The following SETD2 variants were observed in gnomAD, a reference collection of about 807,000 sequenced individuals.
SETD2 encodes the protein SET domain containing 2, histone lysine methyltransferase.
A neutral mutation model predicts 242.1 loss-of-function variants in SETD2; 31 were observed. The ratio of observed to expected loss-of-function variants is 0.13; its 90% CI spans 0.10 to 0.17. The LOEUF (loss-of-function observed/expected upper bound fraction) is 0.17, where lower values mean the gene tolerates loss of function less well. SETD2 is among the 10% of genes least tolerant of loss of function. The pLI is 1.00. For missense variants in SETD2, 2,481 were observed against 3,046.3 expected (o/e 0.81, Z 4.37); for synonymous variants, 1,006 against 1,066.5 (o/e 0.94, Z 1.11).
At chr3:47,092,557 T>C (rs987911418) in intron 9 of SETD2, among the ~76,000 whole-genome samples, 61 of 149,534 alleles carry the variant, frequency 4.1e-4, no homozygotes, top group African/African-American at 1.4e-3. Context: ...TTATAGATAG[T>C]ATATATTTAC....
chr3:47,057,363 T>C lies in SETD2; in HGVS notation c.6421A>G (p.Met2141Val). The change falls in exon 15 of 21, where the codon ATG becomes GTG. Residue 2141 changes from methionine to valine, a missense_variant. Around this residue, in one of 17 missense-constraint regions of SETD2, gnomAD observed 45 missense variants for 62.8 expected, o/e 0.72. Transcript: ENST00000409792. Reference sequence around the variant, plus strand: ...GGTGATGTCATTCCCAGGTTCTGCATCTGTTGCTGTTGTTTCTGAGCCTCC... The same window carrying C: ...GGTGATGTCATTCCCAGGTTCTGCACCTGTTGCTGTTGTTTCTGAGCCTCC... ...QREAQKQQQQ[M>V]QNLGMTSPLP... 3.1e-6 allele frequency: 5 copies of C among 1,614,224 alleles called. No homozygotes were observed. The South Asian group carries it at 5.5e-5, about 18-fold the overall frequency.
At chr3:47,049,271 ATTCTAT>A (rs1330578826) in intron 15 of SETD2, among the ~76,000 whole-genome samples, 4 of 135,066 alleles carry the variant, frequency 3.0e-5, no homozygotes, top group Non-Finnish European at 6.3e-5. Flanking sequence ...CCTTATTCTT[ATTCTAT>A]AAGTTTTTTA....
rs1361834704 is a variant in SETD2, at chr3:47,123,079, T to C, written c.1557A>G (p.Lys519=). 3.7e-6 allele frequency: 6 copies of C among 1,613,652 alleles called. No individual in the cohort carries two copies. In the Admixed American group the frequency reaches 6.7e-5, roughly 18 times the overall value. Residue 519 remains lysine, a synonymous_variant, in exon 3 of 21, where the codon AAA becomes AAG. Coordinates refer to ENST00000409792, the MANE Select transcript of SETD2 (RefSeq NM_014159.7). The part of the protein sequence containing the change: ...KYSSKLERES[K]RTSENEAIKR... ...TAATTGCTTCATTTTCTGAAGTCCTTTTAGATTCTCTTTCTAGTTTTGAAG... is the reference window on the plus strand; with the variant it reads ...TAATTGCTTCATTTTCTGAAGTCCTCTTAGATTCTCTTTCTAGTTTTGAAG...
At chr3:47,026,699 C>T (rs1335293970) in intron 18 of SETD2, among the ~76,000 whole-genome samples, 2 of 103,118 alleles carry the variant, frequency 1.9e-5, no homozygotes, top group Non-Finnish European at 4.4e-5. Flanking sequence ...CAAAATAACA[C>T]AAGAGAACAC....
At chr3:47,138,041 G>A (rs1468141645) in intron 1 of SETD2, among the ~76,000 whole-genome samples, 39 of 143,996 alleles carry the variant, frequency 2.7e-4, no homozygotes, top group Middle Eastern at 4.5e-3. Flanking sequence ...GCGCGATCTC[G>A]GCTCACTGCA....
intron 14 of SETD2, among the ~76,000 whole-genome samples, chr3:47,058,289 C>T (rs1239793075): frequency 1.3e-5 from 2 of 151,436 alleles, no homozygotes; most frequent in Non-Finnish European, 2.9e-5. Flanking sequence ...ACTACAAATA[C>T]AATTAGCTGG....
At chr3:47,154,965 G>A (rs2106836618) in intron 1 of SETD2, among the ~76,000 whole-genome samples, 1 of 151,892 alleles carries the variant, frequency 6.6e-6, no homozygotes, top group East Asian at 1.9e-4. Context: ...CCGCACTCCA[G>A]CCTGGGCGAC....
At chr3:47,134,828 C>T (rs972926275) in intron 1 of SETD2, among the ~76,000 whole-genome samples, 11 of 151,944 alleles carry the variant, frequency 7.2e-5, no homozygotes, top group Admixed American at 4.6e-4. Flanking sequence ...TTCACCATGT[C>T]GGCCAGGCTG....
chr3:47,158,018 A>T (rs2106846984), intron 1 of SETD2, among the ~76,000 whole-genome samples: 1 of 152,340 alleles, frequency 6.6e-6, no homozygotes, highest in African/African-American at 2.4e-5. Context: ...TTCACAAAGC[A>T]ATTAAGTAAA....
At chr3:47,064,650 G>A (rs1274362279) in intron 13 of SETD2, 2 of 407,250 alleles carry the variant, frequency 4.9e-6, no homozygotes, top group Non-Finnish European at 1.0e-5. Context: ...TAAAAATGAG[G>A]GTAAAGTTAG....
Position 47,126,511 on chromosome 3 carries a change from A to G in SETD2, c.87+137T>C, listed in dbSNP as rs1387900624. The G allele has an allele frequency of 1.6e-5, 8 of 496,436 alleles. No individual in the cohort carries two copies. In the East Asian group the frequency reaches 2.4e-4, roughly 15 times the overall value. 30.8% of individuals were successfully genotyped at this position (496,436 alleles called of 1,614,324 possible). On this transcript the variant is annotated intron_variant, in intron 2 of 20. Coordinates refer to ENST00000409792, the MANE Select transcript of SETD2 (RefSeq NM_014159.7). ...GATAAGTTACCATGGCTCTAAAAAC[A>G]AAATTAAAAACTATTACTTCATTTC...
At chr3:47,067,635 G>A (rs949255683) in intron 12 of SETD2, among the ~76,000 whole-genome samples, 1 of 151,716 alleles carries the variant, frequency 6.6e-6, no homozygotes, top group Non-Finnish European at 1.5e-5. Flanking sequence ...GGCTGGTCTC[G>A]AACTCCTGGG....
At chr3:47,074,012 G>A (rs2040943831) in intron 12 of SETD2, among the ~76,000 whole-genome samples, 1 of 152,214 alleles carries the variant, frequency 6.6e-6, no homozygotes, top group South Asian at 2.1e-4. Flanking sequence ...ATTCCTACGT[G>A]TGAATGTGTG....
Position 47,017,396 on chromosome 3 carries a change from G to C in SETD2, c.7534-142C>G. On this transcript the variant is annotated intron_variant, in intron 20 of 20. Transcript: ENST00000409792. This position sits in a 1 kb window ranked among gnomAD's most constrained non-coding sequence, Gnocchi z 4.8. ...GAAGTTAATAAGGGGGTAGATGTTG[G>C]GGCAGGCTGGTGCTATGATCACCAG... 1 of 897,510 alleles carries C rather than the reference G, an allele frequency of 1.1e-6. No homozygotes were observed. The highest frequency in any genetic ancestry group is 1.7e-6 in the Non-Finnish European group (1 of 596,680). 55.6% of individuals were successfully genotyped at this position (897,510 alleles called of 1,614,324 possible). A position where few individuals can be genotyped will look rare whatever the true frequency, so the allele number is the denominator to read the frequency against.
In SETD2 at chr3:47,123,064, A is replaced by G; in HGVS notation, c.1572T>C (p.Asn524=). Residue 524 remains asparagine (N), a synonymous_variant, in exon 3 of 21, where the codon AAT becomes AAC. Coordinates refer to ENST00000409792, the MANE Select transcript of SETD2 (RefSeq NM_014159.7). ...LERESKRTSE[N]EAIKRCCSPP... is the part of the protein sequence containing the mutation. The stretch of plus-strand genomic sequence containing the variant: ...GAGAACAACATCTTTTAATTGCTTC[A>G]TTTTCTGAAGTCCTTTTAGATTCTC... The G allele has an allele frequency of 6.2e-7, 1 of 1,613,852 alleles. No individual in the cohort carries two copies. The highest frequency in any genetic ancestry group is 1.3e-5 in the African/African-American group (1 of 75,006).
At chr3:47,110,562 G>A (rs894388933) in intron 5 of SETD2, among the ~76,000 whole-genome samples, 4 of 152,126 alleles carry the variant, frequency 2.6e-5, no homozygotes, top group Non-Finnish European at 5.9e-5. Context: ...GGTGGGGTCT[G>A]CCATGGCACT....
intron 11 of SETD2, among the ~76,000 whole-genome samples, chr3:47,085,024 G>A (rs2041493404): frequency 2.6e-5 from 4 of 152,040 alleles, no homozygotes; most frequent in South Asian, 4.1e-4. Context: ...GAGCCACAGC[G>A]CCTGGCCTAC....
At chr3:47,142,649 G>A (rs1172643116) in intron 1 of SETD2, among the ~76,000 whole-genome samples, 1 of 151,806 alleles carries the variant, frequency 6.6e-6, no homozygotes, top group East Asian at 1.9e-4. Context: ...GTGGGGAAGG[G>A]GAATACCATA....
chr3:47,076,164 C>T (rs1359492362), intron 12 of SETD2, among the ~76,000 whole-genome samples: 2 of 151,768 alleles, frequency 1.3e-5, no homozygotes, highest in East Asian at 1.9e-4. Flanking sequence ...AAAGACTTTC[C>T]GGGGGGGAAA....
Sources: gnomAD v4.1 joint callset for allele counts (sites outside exome capture counted in the v4.1 genomes callset) on GRCh38, gnomAD v4.1.1 for gene constraint, gnomAD v4.1.1 regional missense constraint, Gnocchi (gnomAD v3.1) non-coding constraint, MANE v1.5 for transcripts, NCBI Gene and HGNC (gene_info 2026-07-23, HGNC 2026-07-21) for gene names.